The following EPB41L3 variants were observed in gnomAD, a reference collection of about 807,000 sequenced individuals.
EPB41L3 encodes the protein erythrocyte membrane protein band 4.1 like 3.
EPB41L3 carries 57 observed loss-of-function variants against 127.1 expected under a neutral mutation model. The ratio of observed to expected loss-of-function variants is 0.45; its 90% CI spans 0.36 to 0.56. The LOEUF (loss-of-function observed/expected upper bound fraction) is 0.56, where lower values mean the gene tolerates loss of function less well. Ranked by LOEUF, EPB41L3 falls within the 20% of genes least tolerant of loss-of-function variation. The pLI, the probability that EPB41L3 is intolerant of heterozygous loss-of-function variation, is 0.00. For missense variants in EPB41L3, 1,273 were observed against 1,372.2 expected (o/e 0.93, Z 1.14); for synonymous variants, 572 against 549.5 (o/e 1.04, Z -0.57).
At chr18:5,575,789 A>T (rs1242775885) in intron 3 of EPB41L3, among the ~76,000 whole-genome samples, 1 of 152,202 alleles carries the variant, frequency 6.6e-6, no homozygotes, top group Non-Finnish European at 1.5e-5. Flanking sequence ...GTGAGCCAAC[A>T]TGGTGCCATT....
At chr18:5,500,208 G>C (rs1318837161) in intron 1 of EPB41L3, among the ~76,000 whole-genome samples, 3 of 152,112 alleles carry the variant, frequency 2.0e-5, no homozygotes, top group Non-Finnish European at 4.4e-5. Flanking sequence ...AAAATCAAAA[G>C]AGGAGAGAGA....
At position 5,397,716 on chromosome 18, in the gene EPB41L3, C is replaced by T. The variant is rs112560286; in HGVS notation, c.2473-290G>A. Among the ~76,000 whole-genome samples, 7 of 152,148 alleles carry T rather than the reference C, an allele frequency of 4.6e-5. No individual in the cohort carries two copies. Among genetic ancestry groups the T allele is most frequent in the Admixed American group, 2.0e-4 (3 of 15,280 alleles). On this transcript the variant is annotated intron_variant, in intron 17 of 22. Transcript: ENST00000341928. This position sits in a 1 kb window ranked among gnomAD's most constrained non-coding sequence, Gnocchi z 4.1. Reference sequence around the variant, plus strand: ...CAAAACAAAAACCAAAGCATTGCAGCGCATTCACGTTGGTTTTGGCTGCTT... The same window carrying T: ...CAAAACAAAAACCAAAGCATTGCAGTGCATTCACGTTGGTTTTGGCTGCTT...
Position 5,416,355 on chromosome 18 carries a change from T to C in EPB41L3, c.1530A>G (p.Ser510=), listed in dbSNP as rs764484780. ...GGGTGGATGGGGGTGACAAGGGACA[T>C]GAGTCAGTGCCAAGCCCAGGTGACT... ...EGKSPGLGTD[S]CPLSPPSTHC... Residue 510 remains serine, a synonymous_variant, in exon 13 of 23, where the codon TCA becomes TCG. Coordinates refer to ENST00000341928, the MANE Select transcript of EPB41L3 (RefSeq NM_012307.5). 1.9e-6 allele frequency: 3 copies of C among 1,613,342 alleles called. No individual in the cohort carries two copies. The highest frequency in any genetic ancestry group is 1.7e-5 in the Admixed American group (1 of 59,992).
intron 1 of EPB41L3, among the ~76,000 whole-genome samples, chr18:5,501,487 TA>T (rs2091745601): frequency 6.6e-6 from 1 of 152,222 alleles, no homozygotes; most frequent in Non-Finnish European, 1.5e-5. Context: ...TAGAATATGC[TA>T]AACTTGATCA....
chr18:5,522,628 T>C (rs901629806), intron 1 of EPB41L3, among the ~76,000 whole-genome samples: 1 of 152,194 alleles, frequency 6.6e-6, no homozygotes, highest in Non-Finnish European at 1.5e-5. Flanking sequence ...TGCCATAAAA[T>C]TTCATGAGAG....
intron 3 of EPB41L3, chr18:5,610,155 ACG>A: frequency 1.0e-6 from 1 of 985,446 alleles, no homozygotes; most frequent in Non-Finnish European, 1.2e-6. Flanking sequence ...CACATTATCC[ACG>A]TCCCAACAAG....
At chr18:5,459,958 T>C (rs1200238462) in intron 3 of EPB41L3, among the ~76,000 whole-genome samples, 1 of 152,196 alleles carries the variant, frequency 6.6e-6, no homozygotes, top group Non-Finnish European at 1.5e-5. Context: ...TATATTGGGA[T>C]ATTGCATGAT....
chr18:5,567,379 A>G (rs142479701), intron 3 of EPB41L3: 199 of 152,332 alleles, frequency 1.3e-3, no homozygotes, highest in African/African-American at 4.3e-3. Context: ...TGATTAACAA[A>G]TTGTTAGCCA....
At chr18:5,484,519 T>TA (rs145804896) in intron 2 of EPB41L3, among the ~76,000 whole-genome samples, 30,239 of 146,240 alleles carry the variant, frequency 0.21, 3,330 homozygotes, top group African/African-American at 0.29. Flanking sequence ...GAAATTGAGA[T>TA]AAAAAAAAAA....
chr18:5,426,445 T>G (rs1423861415), intron 9 of EPB41L3, among the ~76,000 whole-genome samples: 1 of 152,212 alleles, frequency 6.6e-6, no homozygotes, highest in Non-Finnish European at 1.5e-5. Context: ...ACCTCTCTCT[T>G]GCATTTGTTC....
rs1353319562 is a variant in EPB41L3 at position 5,487,495 on chromosome 18, AT to A, written c.183+1505del. On this transcript the variant is annotated intron_variant, in intron 2 of 22. Coordinates refer to ENST00000341928, the MANE Select transcript of EPB41L3 (RefSeq NM_012307.5). ...GTTTTATTTGTATATTTTACCTCAA[AT>A]TTTTTTTTTTTTTGAGACAGAGTCT... Among the ~76,000 whole-genome samples, 1,393 of 145,112 alleles carry A rather than the reference AT, an allele frequency of 9.6e-3. 14 individuals are homozygous for A. Among genetic ancestry groups the A allele is most frequent in the African/African-American group, 0.029 (1,172 of 39,972 alleles).
intron 3 of EPB41L3, among the ~76,000 whole-genome samples, chr18:5,602,347 C>A (rs1279630387): frequency 6.6e-6 from 1 of 152,194 alleles, no homozygotes; most frequent in East Asian, 1.9e-4. Context: ...AAGCTGAGCA[C>A]CTTGTGCCTA....
chr18:5,399,421 T>G (rs2074124741), intron 16 of EPB41L3: 1 of 398,378 alleles, frequency 2.5e-6, no homozygotes, highest in Non-Finnish European at 4.4e-6. Context: ...TTAGAAATTC[T>G]GATGGTATCT....
chr18:5,454,209 GTT>G lies in EPB41L3; in HGVS notation c.382-8967_382-8966del, dbSNP rs558597098. Among the ~76,000 whole-genome samples, 14 of 116,366 alleles carry G rather than the reference GTT, an allele frequency of 1.2e-4. 1 individual carries two copies. The highest frequency in any genetic ancestry group is 2.6e-4 in the Admixed American group (3 of 11,522). 76.3% of individuals were successfully genotyped at this position (116,366 alleles called of 152,430 possible). The stretch of plus-strand genomic sequence containing the variant: ...GAGTGTGTTTTTTTTTTGTTTCCTT[GTT>G]TTTTTTTTTTTTTTTTAATCCATAC... On this transcript the variant is annotated intron_variant, in intron 3 of 22. Coordinates refer to ENST00000341928, the MANE Select transcript of EPB41L3 (RefSeq NM_012307.5).
At chr18:5,585,594 A>C (rs1221815640) in intron 3 of EPB41L3, among the ~76,000 whole-genome samples, 1 of 152,244 alleles carries the variant, frequency 6.6e-6, no homozygotes, top group East Asian at 1.9e-4. Context: ...GCTCTTCTGA[A>C]CGTGTTAACC....
chr18:5,620,338 T>C (rs989560314), intron 1 of EPB41L3, among the ~76,000 whole-genome samples: 8 of 152,172 alleles, frequency 5.3e-5, no homozygotes, highest in Admixed American at 5.2e-4. Flanking sequence ...CAGAGACCAA[T>C]GCTACACTTA....
At chr18:5,467,487 C>A (rs1288807033) in intron 3 of EPB41L3, 1 of 152,176 alleles carries the variant, frequency 6.6e-6, no homozygotes, top group Non-Finnish European at 1.5e-5. Context: ...AAACGGGATA[C>A]CCACTACAGC....
At chr18:5,434,792 C>CT (rs2079518865) in intron 6 of EPB41L3, among the ~76,000 whole-genome samples, 2 of 152,172 alleles carry the variant, frequency 1.3e-5, no homozygotes, top group African/African-American at 4.8e-5. Context: ...CTATGCTATA[C>CT]TTTTTATCAT....
chr18:5,502,206 C>A (rs534800923), intron 1 of EPB41L3, among the ~76,000 whole-genome samples: 5 of 152,168 alleles, frequency 3.3e-5, no homozygotes, highest in African/African-American at 9.6e-5. Flanking sequence ...ATTTTAAATT[C>A]TTTGTCTCCA....
Sources: allele counts gnomAD v4.1 joint callset (sites outside exome capture counted in the v4.1 genomes callset), GRCh38; gene constraint gnomAD v4.1.1; non-coding constraint Gnocchi (gnomAD v3.1); transcripts MANE v1.5; gene names NCBI Gene and HGNC (gene_info 2026-07-23, HGNC 2026-07-21).